FLI1: variants seen among roughly 807,000 people sequenced by gnomAD.
The protein encoded by FLI1 is Friend leukemia integration 1 transcription factor.
FLI1 carries 13 observed loss-of-function variants against 53.1 expected under a neutral mutation model. That is an observed-to-expected ratio of 0.24 (90% confidence interval 0.16 to 0.39). The LOEUF is 0.39. Ranked by LOEUF, FLI1 falls within the 10% of genes least tolerant of loss-of-function variation. The pLI, the probability that FLI1 is intolerant of heterozygous loss-of-function variation, is 1.00. For synonymous variants in FLI1, 244 were observed against 236.7 expected, an observed-to-expected ratio of 1.03 and a Z score of -0.28; for missense variants, 424 against 600.5, an observed-to-expected ratio of 0.71 and a Z score of 3.07.
intron 5 of FLI1, among the ~76,000 whole-genome samples, chr11:128,787,148 C>T (rs1043336864): frequency 1.3e-5 from 2 of 152,168 alleles, no homozygotes; most frequent in African/African-American, 4.8e-5. Flanking sequence ...GGCTTCTCTC[C>T]AGGAGAGTCC....
At chr11:128,716,798 C>T (rs934770897) in intron 1 of FLI1, among the ~76,000 whole-genome samples, 2 of 152,118 alleles carry the variant, frequency 1.3e-5, no homozygotes, top group African/African-American at 4.8e-5. Context: ...GTGGGTGTGA[C>T]CGCCAGTTTA....
chr11:128,687,636 C>T (rs1485490032), intron 1 of FLI1, among the ~76,000 whole-genome samples: 1 of 152,138 alleles, frequency 6.6e-6, no homozygotes, highest in Non-Finnish European at 1.5e-5. Flanking sequence ...TGAGCTCCCT[C>T]GAGTGTCGGG....
upstream of FLI1, chr11:128,694,036 A>C (rs573766725): frequency 2.4e-6 from 1 of 421,072 alleles, no homozygotes; most frequent in East Asian, 3.6e-5. Context: ...CACTTCCCAA[A>C]ATTAGCTGAA....
chr11:128,704,767 G>A (rs1203253556), intron 1 of FLI1, among the ~76,000 whole-genome samples: 2 of 152,144 alleles, frequency 1.3e-5, no homozygotes, highest in African/African-American at 4.8e-5. Context: ...GGGTCCTCAT[G>A]ACCCCAAGCT....
chr11:128,748,376 G>T lies in FLI1; in HGVS notation c.19-9739G>T, dbSNP rs548237712. ...AGTCAGCCGGGGTCCAGGCACGGTGGCTCACACCTGTAATCCCAGCACTTT... is the reference window on the plus strand; with the variant it reads ...AGTCAGCCGGGGTCCAGGCACGGTGTCTCACACCTGTAATCCCAGCACTTT... On this transcript the variant is annotated intron_variant, in intron 1 of 8. Coordinates refer to ENST00000527786, the MANE Select transcript of FLI1 (RefSeq NM_002017.5). 2.4e-3 allele frequency: 1,043 copies of T among 432,654 alleles called. 2 individuals carry two copies. The highest frequency in any genetic ancestry group is 2.9e-3 in the Non-Finnish European group (950 of 324,916). 26.8% of individuals were successfully genotyped at this position (432,654 alleles called of 1,614,324 possible).
At position 128,805,333 on chromosome 11, in the gene FLI1, G is replaced by T. The variant is rs747139052; in HGVS notation, c.656-33G>T. ...GCAACTTTTCTGAGAAGCAGGCGAT[G>T]CTAATGTACCCCTATTTGTTATTGT... is the stretch of plus-strand genomic sequence containing the variant. On this transcript the variant is annotated intron_variant, in intron 5 of 8. Coordinates refer to ENST00000527786, the MANE Select transcript of FLI1 (RefSeq NM_002017.5). 2.9e-6 allele frequency: 4 copies of T among 1,356,132 alleles called. No homozygotes were observed. The African/African-American group carries it at 5.8e-5, about 20-fold the overall frequency. The allele number at this position is 1,356,132 out of a possible 1,614,324, so 84.0% of individuals were successfully genotyped here.
chr11:128,750,483 A>G (rs994862530), intron 1 of FLI1, among the ~76,000 whole-genome samples: 2 of 152,182 alleles, frequency 1.3e-5, no homozygotes, highest in Admixed American at 6.5e-5. Context: ...ACTCCACTGG[A>G]CTCATAACTG....
intron 1 of FLI1, among the ~76,000 whole-genome samples, chr11:128,719,682 T>A (rs892293907): frequency 1.3e-5 from 2 of 152,150 alleles, no homozygotes; most frequent in Non-Finnish European, 2.9e-5. Flanking sequence ...TTTGCTTTCC[T>A]GGGACAAGCA....
At chr11:128,743,436 C>T (rs1283777448) in intron 1 of FLI1, among the ~76,000 whole-genome samples, 1 of 151,258 alleles carries the variant, frequency 6.6e-6, no homozygotes, top group African/African-American at 2.4e-5. Flanking sequence ...AGAACTTGAC[C>T]ACTTGGCAGG....
At chr11:128,694,061 C>A, upstream of FLI1, 1 of 432,476 alleles carries the variant, frequency 2.3e-6, no homozygotes, top group Non-Finnish European at 4.1e-6. Flanking sequence ...AAGTTTCATC[C>A]GGTTAACTGT....
exon 1 of FLI1, chr11:128,686,571 C>T (rs2135671951): frequency 2.3e-6 from 1 of 430,578 alleles, no homozygotes; most frequent in Non-Finnish European, 4.8e-6. Context: ...TCATCACCAT[C>T]CCACCGTCTC....
At chr11:128,748,281 A>C in intron 1 of FLI1, 1 of 983,732 alleles carries the variant, frequency 1.0e-6, no homozygotes, top group Non-Finnish European at 1.2e-6. Flanking sequence ...CCTCCCCAGG[A>C]AGTGGAATTG....
At chr11:128,689,721 C>A (rs1376044484), upstream of FLI1, among the ~76,000 whole-genome samples, 1 of 152,220 alleles carries the variant, frequency 6.6e-6, no homozygotes, top group South Asian at 2.1e-4. Context: ...CGCCACTGGG[C>A]GAGGGTCTGG....
At chr11:128,775,432 A>G (rs375028823) in intron 4 of FLI1, among the ~76,000 whole-genome samples, 2 of 151,728 alleles carry the variant, frequency 1.3e-5, no homozygotes, top group Middle Eastern at 3.5e-3. Context: ...AAAATGATCC[A>G]CTGTCAGGCA....
At chr11:128,783,987 AAGGAAGGGAGGGAAGG>A (rs1248013916) in intron 5 of FLI1, among the ~76,000 whole-genome samples, 2 of 151,774 alleles carry the variant, frequency 1.3e-5, no homozygotes, top group African/African-American at 2.4e-5. Flanking sequence ...GGCTATAAGG[AAGGAAGGGAGGGAAGG>A]AGGAAGGGAG....
chr11:128,791,420 C>T (rs748063361), intron 5 of FLI1, among the ~76,000 whole-genome samples: 74 of 152,312 alleles, frequency 4.9e-4, no homozygotes, highest in Non-Finnish European at 8.1e-4. Context: ...AGCATCACCT[C>T]ATTACGGTCT....
chr11:128,799,020 A>G (rs1424745648), intron 5 of FLI1, among the ~76,000 whole-genome samples: 2 of 139,388 alleles, frequency 1.4e-5, no homozygotes, highest in East Asian at 2.0e-4. Context: ...TTATTTTATT[A>G]TATTATTATT....
At chr11:128,753,402 A>T (rs1940728457) in intron 1 of FLI1, among the ~76,000 whole-genome samples, 1 of 152,244 alleles carries the variant, frequency 6.6e-6, no homozygotes. Flanking sequence ...CTTGAATAAA[A>T]TAATCAGCAA....
At chr11:128,691,101 TA>T (rs1037922140), upstream of FLI1, among the ~76,000 whole-genome samples, 8 of 152,232 alleles carry the variant, frequency 5.3e-5, no homozygotes, top group Non-Finnish European at 1.2e-4. Context: ...TTTTCATTTG[TA>T]GGCCCTCACC....
Sources: allele counts gnomAD v4.1 joint callset (sites outside exome capture counted in the v4.1 genomes callset), GRCh38; gene constraint gnomAD v4.1.1; transcripts MANE v1.5; gene names NCBI Gene and HGNC (gene_info 2026-07-23, HGNC 2026-07-21).